The following WDR70 variants were observed in gnomAD, a reference collection of about 807,000 sequenced individuals.
WDR70 encodes WD repeat-containing protein 70.
A neutral mutation model predicts 88.6 loss-of-function variants in WDR70; 53 were observed. The ratio of observed to expected loss-of-function variants is 0.60; its 90% CI spans 0.48 to 0.75. The LOEUF (loss-of-function observed/expected upper bound fraction) is 0.75, where lower values mean the gene tolerates loss of function less well. Ranked by LOEUF, WDR70 falls within the 30% of genes least tolerant of loss-of-function variation. The probability of loss-of-function intolerance (pLI) is 0.00; values close to 1 mark genes in which losing one functional copy is unlikely to be tolerated. For synonymous variants in WDR70, 280 were observed against 270.0 expected, an observed-to-expected ratio of 1.04 and a Z score of -0.36; for missense variants, 610 against 823.2, an observed-to-expected ratio of 0.74 and a Z score of 3.17.
chr5:37,602,008 G>A (rs1018339792), intron 9 of WDR70, among the ~76,000 whole-genome samples: 1 of 150,434 alleles, frequency 6.6e-6, no homozygotes, highest in African/African-American at 2.4e-5. Flanking sequence ...TCATAAGTGG[G>A]AGTGGAACAA....
intron 4 of WDR70, among the ~76,000 whole-genome samples, chr5:37,393,664 A>G (rs1748917438): frequency 6.6e-6 from 1 of 151,840 alleles, no homozygotes; most frequent in Non-Finnish European, 1.5e-5. Flanking sequence ...ACAATTTCCA[A>G]GGTTCCTCTT....
chr5:37,503,209 A>G (rs916872671), intron 8 of WDR70, among the ~76,000 whole-genome samples: 2 of 152,090 alleles, frequency 1.3e-5, no homozygotes, highest in Non-Finnish European at 2.9e-5. Context: ...CAGGCTTCAT[A>G]GAATGAGTTA....
chr5:37,614,749 A>G (rs936990363), intron 10 of WDR70, among the ~76,000 whole-genome samples: 1 of 152,180 alleles, frequency 6.6e-6, no homozygotes, highest in East Asian at 1.9e-4. Flanking sequence ...CCTGTCATAT[A>G]GTTTCTAATT....
rs539509716 is a variant in WDR70 at position 37,714,901 on chromosome 5, C to A, written c.1417-6214C>A. Among the ~76,000 whole-genome samples the A allele has an allele frequency of 3.0e-4, 45 of 152,284 alleles. No homozygotes were observed. In the South Asian group the frequency reaches 8.9e-3, roughly 30 times the overall value. On this transcript the variant is annotated intron_variant, in intron 13 of 17. Coordinates refer to ENST00000265107, the MANE Select transcript of WDR70 (RefSeq NM_018034.4). ...AACAAAATTGTATTTAATTTTACTT[C>A]CCAAGAGACCTTCCATTTTCTCTGA...
intron 10 of WDR70, among the ~76,000 whole-genome samples, chr5:37,612,053 C>G (rs1004932333): frequency 6.6e-6 from 1 of 152,018 alleles, no homozygotes; most frequent in Non-Finnish European, 1.5e-5. Context: ...CAACTTTTAC[C>G]TAATAATAGG....
At chr5:37,409,301 G>A (rs576279284) in intron 5 of WDR70, among the ~76,000 whole-genome samples, 5 of 152,020 alleles carry the variant, frequency 3.3e-5, no homozygotes, top group Admixed American at 6.6e-5. Flanking sequence ...GTTTCTCTTC[G>A]GAAATGAGAT....
At chr5:37,714,994 G>A (rs1202384627) in intron 13 of WDR70, among the ~76,000 whole-genome samples, 1 of 152,116 alleles carries the variant, frequency 6.6e-6, no homozygotes, top group Non-Finnish European at 1.5e-5. Flanking sequence ...TTCATTTAGT[G>A]CCAAGGATGA....
intron 10 of WDR70, among the ~76,000 whole-genome samples, chr5:37,617,219 C>T (rs1291187584): frequency 1.3e-5 from 2 of 152,106 alleles, no homozygotes; most frequent in Admixed American, 6.5e-5. Context: ...CGCCCAAGGC[C>T]ATGCATCTAG....
chr5:37,544,039 C>G (rs1741912265), intron 9 of WDR70, among the ~76,000 whole-genome samples: 1 of 152,162 alleles, frequency 6.6e-6, no homozygotes, highest in Admixed American at 6.5e-5. Flanking sequence ...CCCAAAAGTG[C>G]TGGGATTACA....
At chr5:37,453,150 T>G (rs1175927166) in intron 7 of WDR70, among the ~76,000 whole-genome samples, 3 of 152,232 alleles carry the variant, frequency 2.0e-5, no homozygotes, top group African/African-American at 7.2e-5. Context: ...TACCTGAATA[T>G]ATTTTTCTTT....
intron 8 of WDR70, among the ~76,000 whole-genome samples, chr5:37,487,360 T>C (rs1739904846): frequency 1.3e-5 from 2 of 151,952 alleles, no homozygotes; most frequent in African/African-American, 2.4e-5. Context: ...TAGGATACTG[T>C]TATAAAATGT....
At chr5:37,574,600 A>T (rs1264895627) in intron 9 of WDR70, among the ~76,000 whole-genome samples, 1 of 152,196 alleles carries the variant, frequency 6.6e-6, no homozygotes, top group Non-Finnish European at 1.5e-5. Flanking sequence ...TTACATCTCT[A>T]GTTCTGCCCA....
At chr5:37,641,724 C>T (rs1046920688) in intron 10 of WDR70, among the ~76,000 whole-genome samples, 8 of 152,184 alleles carry the variant, frequency 5.3e-5, no homozygotes, top group Admixed American at 6.5e-5. Context: ...GCCTCACATG[C>T]TTTCTTATAC....
At chr5:37,457,550 A>T (rs1022280483) in intron 7 of WDR70, among the ~76,000 whole-genome samples, 7 of 152,218 alleles carry the variant, frequency 4.6e-5, no homozygotes, top group Admixed American at 3.9e-4. Flanking sequence ...CCTCAGACCA[A>T]GTAATCCACT....
intron 8 of WDR70, among the ~76,000 whole-genome samples, chr5:37,492,057 G>A (rs1740083735): frequency 6.6e-6 from 1 of 152,142 alleles, no homozygotes; most frequent in Admixed American, 6.5e-5. Flanking sequence ...AGTGATCCAT[G>A]GCTTCATTCA....
chr5:37,750,448 A>C (rs1341689342), intron 17 of WDR70, among the ~76,000 whole-genome samples: 1 of 152,170 alleles, frequency 6.6e-6, no homozygotes, highest in Non-Finnish European at 1.5e-5. Context: ...AGGCAGGAGG[A>C]TCACTTGAGC....
At chr5:37,698,531 A>C (rs1369130688) in intron 11 of WDR70, among the ~76,000 whole-genome samples, 2 of 152,194 alleles carry the variant, frequency 1.3e-5, no homozygotes, top group Non-Finnish European at 1.5e-5. Context: ...ACTATGCTAC[A>C]GAGGGCCTTT....
intron 13 of WDR70, among the ~76,000 whole-genome samples, chr5:37,712,056 G>C (rs532842696): frequency 7.1e-6 from 1 of 140,022 alleles, no homozygotes; most frequent in African/African-American, 2.7e-5. Context: ...GCAGTGGCAC[G>C]ATCTCGGCTT....
chr5:37,651,083 G>A (rs1745397619), intron 10 of WDR70, among the ~76,000 whole-genome samples: 1 of 151,746 alleles, frequency 6.6e-6, no homozygotes, highest in Non-Finnish European at 1.5e-5. Context: ...GTCTACATTA[G>A]GTATTTCTCC....
Sources: gnomAD v4.1 joint callset for allele counts (sites outside exome capture counted in the v4.1 genomes callset) on GRCh38, gnomAD v4.1.1 for gene constraint, MANE v1.5 for transcripts, NCBI Gene and HGNC (gene_info 2026-07-23, HGNC 2026-07-21) for gene names.